The following GLG1 variants were observed in gnomAD, a reference collection of about 807,000 sequenced individuals.
GLG1 encodes golgi glycoprotein 1.
Under a neutral mutation model 160.5 loss-of-function variants are expected in GLG1, and 38 were observed. The ratio of observed to expected loss-of-function variants is 0.24; its 90% CI spans 0.18 to 0.31. GLG1 has a LOEUF of 0.31. Ranked by LOEUF, GLG1 falls within the 10% of genes least tolerant of loss-of-function variation. The probability of loss-of-function intolerance (pLI) is 1.00; values close to 1 mark genes in which losing one functional copy is unlikely to be tolerated. For synonymous variants in GLG1, 644 were observed against 543.4 expected (o/e 1.19, Z -2.57); for missense variants, 1,373 against 1,505.2 (o/e 0.91, Z 1.45).
chr16:74,528,797 G>C (rs1262469381), intron 2 of GLG1, among the ~76,000 whole-genome samples: 1 of 113,536 alleles, frequency 8.8e-6, no homozygotes, highest in Non-Finnish European at 1.7e-5. Context: ...CAGTGACAGA[G>C]CGAGATTCTG....
At chr16:74,517,718 A>G (rs2017025261) in intron 2 of GLG1, among the ~76,000 whole-genome samples, 1 of 152,164 alleles carries the variant, frequency 6.6e-6, no homozygotes, top group African/African-American at 2.4e-5. Context: ...GGCAAGAGAA[A>G]GCAATAAAGG....
In GLG1 at chr16:74,480,311, A is replaced by T. The variant is rs1179021401; in HGVS notation, c.1757T>A (p.Phe586Tyr). Residue 586 changes from phenylalanine to tyrosine, a missense_variant, in exon 11 of 26, where the codon TTT becomes TAT. Transcript: ENST00000422840. ...AGAGAACACAGCTCCCTGAGGCATA[A>T]ATTCACTGGTCTCATTCCAACCGTG... is the stretch of plus-strand genomic sequence containing the variant. ...HTHGWNETSE[F>Y]MPQGAVFSCL... 1.2e-6 allele frequency: 2 copies of T among 1,613,402 alleles called. No individual in the cohort carries two copies. Among genetic ancestry groups the T allele is most frequent in the South Asian group, 2.2e-5 (2 of 91,068 alleles).
intron 1 of GLG1, among the ~76,000 whole-genome samples, chr16:74,571,082 A>C (rs770180775): frequency 6.6e-6 from 1 of 152,192 alleles, no homozygotes; most frequent in Admixed American, 6.5e-5. Context: ...AAGTGCTTGT[A>C]CACTGGAGCT....
intron 2 of GLG1, among the ~76,000 whole-genome samples, chr16:74,519,565 GA>G (rs11451279): frequency 0.011 from 1,559 of 147,582 alleles, 21 homozygotes; most frequent in African/African-American, 0.037. Flanking sequence ...ACTGGTTTTT[GA>G]AAAAAAAAAA....
intron 12 of GLG1, among the ~76,000 whole-genome samples, chr16:74,476,091 A>G (rs1383432520): frequency 6.6e-6 from 1 of 152,188 alleles, no homozygotes; most frequent in East Asian, 1.9e-4. Context: ...CTGGGGCACA[A>G]GAATTGCTTG....
chr16:74,577,844 T>G (rs1213995754), intron 1 of GLG1, among the ~76,000 whole-genome samples: 1 of 151,896 alleles, frequency 6.6e-6, no homozygotes, highest in Non-Finnish European at 1.5e-5. Flanking sequence ...CTCAAATTCC[T>G]GAGCTCAAGT....
chr16:74,456,468 G>A (rs1426827162), intron 25 of GLG1, 181 bp downstream of exon 25: 8 of 572,956 alleles, frequency 1.4e-5, no homozygotes, highest in African/African-American at 5.8e-5. Flanking sequence ...CCCTGACCAC[G>A]TTTTCAAACG....
In GLG1 at chr16:74,533,756, G is replaced by A. The variant is rs566253311; in HGVS notation, c.439-1603C>T. On this transcript the variant is annotated intron_variant, in intron 1 of 25. Coordinates refer to ENST00000422840, the MANE Select transcript of GLG1 (RefSeq NM_001145667.2). ...AGATTGTGTCATTGCACTCCAGCCTGGGCAACAGAGCGAGATTCCATCTCA... is the reference window on the plus strand; with the variant it reads ...AGATTGTGTCATTGCACTCCAGCCTAGGCAACAGAGCGAGATTCCATCTCA... Among the ~76,000 whole-genome samples the A allele has an allele frequency of 4.6e-5, 7 of 152,278 alleles. No individual in the cohort carries two copies. In the South Asian group the frequency reaches 1.2e-3, roughly 27 times the overall value.
At chr16:74,511,585 T>TAAAAAAA (rs1172903763) in intron 2 of GLG1, among the ~76,000 whole-genome samples, 1 of 85,288 alleles carries the variant, frequency 1.2e-5, no homozygotes, top group African/African-American at 4.6e-5. Context: ...CTTTTTTTTT[T>TAAAAAAA]AAAAAAAAAA....
At chr16:74,578,819 T>C (rs1386317805) in intron 1 of GLG1, among the ~76,000 whole-genome samples, 1 of 152,236 alleles carries the variant, frequency 6.6e-6, no homozygotes, top group Non-Finnish European at 1.5e-5. Context: ...TCATAAGTCA[T>C]TCTGTGAAAA....
chr16:74,603,536 A>G (rs1958492674), intron 1 of GLG1, among the ~76,000 whole-genome samples: 1 of 152,120 alleles, frequency 6.6e-6, no homozygotes, highest in Admixed American at 6.6e-5. Context: ...TCAGCCTCCC[A>G]AAGGGCTAGG....
chr16:74,584,786 C>T (rs182372048), intron 1 of GLG1, among the ~76,000 whole-genome samples: 419 of 151,892 alleles, frequency 2.8e-3, no homozygotes, highest in African/African-American at 8.7e-3. Flanking sequence ...TGTGGTGGTG[C>T]GCGCCTGTAG....
chr16:74,565,624 C>T lies in GLG1; in HGVS notation c.439-33471G>A, dbSNP rs78639212. On this transcript the variant is annotated intron_variant, in intron 1 of 25. Transcript: ENST00000422840. ...CCAATCCTGCAGTTTCTGTACCTCACTTCCTTTCCTGTATGTCACTTTCCT... is the reference window on the plus strand; with the variant it reads ...CCAATCCTGCAGTTTCTGTACCTCATTTCCTTTCCTGTATGTCACTTTCCT... Among the ~76,000 whole-genome samples, 620 of 152,348 alleles carry T rather than the reference C, an allele frequency of 4.1e-3. 29 individuals carry two copies. In the East Asian group the frequency reaches 0.11, roughly 26 times the overall value.
At chr16:74,463,683 C>T (rs1373496450) in intron 19 of GLG1, among the ~76,000 whole-genome samples, 2 of 151,992 alleles carry the variant, frequency 1.3e-5, no homozygotes, top group Admixed American at 6.6e-5. Context: ...TCCTGAGTAG[C>T]GGGGATTACA....
At chr16:74,584,816 T>A (rs1958010882) in intron 1 of GLG1, among the ~76,000 whole-genome samples, 1 of 152,012 alleles carries the variant, frequency 6.6e-6, no homozygotes, top group South Asian at 2.1e-4. Context: ...CTTGGGAGGC[T>A]GAGGCAGGAG....
At chr16:74,581,409 G>C (rs1437355263) in intron 1 of GLG1, among the ~76,000 whole-genome samples, 2 of 151,800 alleles carry the variant, frequency 1.3e-5, no homozygotes, top group Admixed American at 1.3e-4. Context: ...CAAATATCAC[G>C]ATTCCACTTA....
At chr16:74,470,238 C>G (rs1037929261) in intron 15 of GLG1, among the ~76,000 whole-genome samples, 165 bp from the exon 16 acceptor site, 3 of 151,946 alleles carry the variant, frequency 2.0e-5, no homozygotes, top group African/African-American at 7.2e-5. Flanking sequence ...AGTACTCCCC[C>G]TACAACAGGC....
At chr16:74,458,768 C>T (rs576186115) in intron 23 of GLG1, among the ~76,000 whole-genome samples, 145 of 152,318 alleles carry the variant, frequency 9.5e-4, no homozygotes, top group African/African-American at 3.0e-3. Context: ...GAAAGAAAAA[C>T]AGAAAGGACA....
At position 74,598,185 on chromosome 16, in the gene GLG1, T is replaced by C. The variant is rs558105073; in HGVS notation, c.438+8472A>G. Among the ~76,000 whole-genome samples the C allele has an allele frequency of 3.7e-4, 57 of 152,278 alleles. No individual in the cohort carries two copies. In the South Asian group the frequency reaches 0.012, roughly 32 times the overall value. Reference sequence around the variant, plus strand: ...AAGTAGCAGTAGTATACTTGAACACTGAGCAGTGTCTTGCACACAGGTTTC... The same window carrying C: ...AAGTAGCAGTAGTATACTTGAACACCGAGCAGTGTCTTGCACACAGGTTTC... On this transcript the variant is annotated intron_variant, in intron 1 of 25. Transcript: ENST00000422840.
Sources: gnomAD v4.1 joint callset for allele counts (sites outside exome capture counted in the v4.1 genomes callset) on GRCh38, gnomAD v4.1.1 for gene constraint, MANE v1.5 for transcripts, NCBI Gene and HGNC (gene_info 2026-07-23, HGNC 2026-07-21) for gene names.